TMEM178A: variants seen among roughly 807,000 people sequenced by gnomAD.
The protein encoded by TMEM178A is transmembrane protein 178A.
A neutral mutation model predicts 29.1 loss-of-function variants in TMEM178A; 12 were observed. The ratio of observed to expected loss-of-function variants is 0.41; its 90% CI spans 0.26 to 0.67. The LOEUF (loss-of-function observed/expected upper bound fraction) is 0.67. Ranked by LOEUF, TMEM178A falls within the 30% of genes least tolerant of loss-of-function variation. The pLI is 0.29. For synonymous variants in TMEM178A, 210 were observed against 187.2 expected (o/e 1.12, Z -0.99); for missense variants, 366 against 419.1 (o/e 0.87, Z 1.11).
chr2:39,702,617 C>G (rs1671833667), intron 1 of TMEM178A, among the ~76,000 whole-genome samples: 2 of 151,570 alleles, frequency 1.3e-5, no homozygotes, highest in Non-Finnish European at 2.9e-5. Context: ...AAACAGCTAC[C>G]TTTAATGCCT....
intron 1 of TMEM178A, among the ~76,000 whole-genome samples, chr2:39,669,226 C>T (rs1302656600): frequency 2.0e-5 from 3 of 152,140 alleles, no homozygotes; most frequent in Admixed American, 6.5e-5. Context: ...GCATTTTCTT[C>T]TCTGGACCTA....
chr2:39,706,242 C>T (rs934074286), intron 2 of TMEM178A, among the ~76,000 whole-genome samples: 3 of 152,142 alleles, frequency 2.0e-5, no homozygotes, highest in African/African-American at 4.8e-5. Context: ...CCAAACTAGA[C>T]AGTTGGGCCA....
intron 1 of TMEM178A, among the ~76,000 whole-genome samples, chr2:39,683,679 A>G (rs148419653): frequency 4.1e-4 from 63 of 152,342 alleles, no homozygotes; most frequent in Admixed American, 9.1e-4. Flanking sequence ...TATGCCACCT[A>G]TTTTGGCACT....
intron 1 of TMEM178A, among the ~76,000 whole-genome samples, chr2:39,680,105 C>A (rs1670803914): frequency 6.8e-6 from 1 of 146,820 alleles, no homozygotes; most frequent in African/African-American, 2.6e-5. Context: ...ATGTTCTTTA[C>A]TCTGCTCTTA....
chr2:39,667,991 C>A (rs1558439264), intron 1 of TMEM178A, among the ~76,000 whole-genome samples: 1 of 152,184 alleles, frequency 6.6e-6, no homozygotes, highest in Non-Finnish European at 1.5e-5. Flanking sequence ...GACAGAACTG[C>A]ATTTCCTTAC....
At chr2:39,678,279 T>C (rs1670714662) in intron 1 of TMEM178A, among the ~76,000 whole-genome samples, 1 of 152,146 alleles carries the variant, frequency 6.6e-6, no homozygotes, top group Admixed American at 6.5e-5. Context: ...ACACTGTACA[T>C]AAATGTTCAC....
intron 1 of TMEM178A, among the ~76,000 whole-genome samples, chr2:39,677,145 C>G (rs1403277098): frequency 6.6e-6 from 1 of 152,104 alleles, no homozygotes. Flanking sequence ...AGCCTTTGTC[C>G]TCACTCTCGT....
intron 1 of TMEM178A, among the ~76,000 whole-genome samples, chr2:39,674,422 C>T (rs1670528083): frequency 6.6e-6 from 1 of 152,168 alleles, no homozygotes; most frequent in South Asian, 2.1e-4. Flanking sequence ...GAATGGAAAA[C>T]CAAACGTTGT....
At chr2:39,731,519 G>C in the TMEM178A span, among the ~76,000 whole-genome samples, 1 of 152,168 alleles carries the variant, frequency 6.6e-6, no homozygotes. Context: ...TTTTACAACA[G>C]CCAATCACTG....
chr2:39,721,016 A>C, downstream of TMEM178A, among the ~76,000 whole-genome samples: 1 of 152,236 alleles, frequency 6.6e-6, no homozygotes, highest in East Asian at 1.9e-4. Flanking sequence ...AAGCGTTCTC[A>C]TTTATGTGCA....
chr2:39,715,500 G>T (rs1434943626), intron 3 of TMEM178A, among the ~76,000 whole-genome samples: 3 of 152,096 alleles, frequency 2.0e-5, no homozygotes, highest in South Asian at 2.1e-4. Flanking sequence ...CTTTATGAGA[G>T]AATTATTTCC....
At chr2:39,713,179 T>C (rs536256409) in intron 3 of TMEM178A, among the ~76,000 whole-genome samples, 19 of 152,300 alleles carry the variant, frequency 1.2e-4, no homozygotes, top group East Asian at 7.7e-4. Flanking sequence ...CTGAGTCCAA[T>C]TGTGACCAAG....
At chr2:39,724,279 T>G in the TMEM178A span, among the ~76,000 whole-genome samples, 1 of 151,206 alleles carries the variant, frequency 6.6e-6, no homozygotes, top group African/African-American at 2.4e-5. Flanking sequence ...AAGTAATTAT[T>G]TCAAAAAAAA....
intron 1 of TMEM178A, among the ~76,000 whole-genome samples, chr2:39,670,042 C>A: frequency 6.6e-6 from 1 of 152,186 alleles, no homozygotes; most frequent in East Asian, 1.9e-4. Flanking sequence ...GCTGAGGAAG[C>A]TTTGCTGATC....
rs995376298 is a variant in TMEM178A at position 39,698,932 on chromosome 2, A to G, written c.401-5149A>G. Among the ~76,000 whole-genome samples, 2 of 151,534 alleles carry G rather than the reference A, an allele frequency of 1.3e-5. 1 individual carries two copies. Among genetic ancestry groups the G allele is most frequent in the Non-Finnish European group, 2.9e-5 (2 of 67,906 alleles). ...AGGTATATGCCATTTTATCTGTTTT[A>G]TCTAATTTGTTGGCATGTAATTTTT... On this transcript the variant is annotated intron_variant, in intron 1 of 3. Transcript: ENST00000281961.
chr2:39,730,637 C>T, the TMEM178A span, among the ~76,000 whole-genome samples: 3,689 of 152,208 alleles, frequency 0.024, 136 homozygotes, highest in African/African-American at 0.082. Flanking sequence ...TTCGTTCTAA[C>T]GTAACTGATC....
the TMEM178A span, among the ~76,000 whole-genome samples, chr2:39,734,074 C>A: frequency 6.6e-6 from 1 of 152,128 alleles, no homozygotes; most frequent in South Asian, 2.1e-4. Context: ...ACTCCTATTT[C>A]TTTGCTCACC....
chr2:39,713,771 T>C (rs2148117373), intron 3 of TMEM178A, among the ~76,000 whole-genome samples: 1 of 152,358 alleles, frequency 6.6e-6, no homozygotes, highest in East Asian at 1.9e-4. Context: ...ATAAGACATG[T>C]ATGTGGAACC....
At chr2:39,693,423 C>T (rs1214196383) in intron 1 of TMEM178A, among the ~76,000 whole-genome samples, 1 of 152,190 alleles carries the variant, frequency 6.6e-6, no homozygotes, top group Admixed American at 6.5e-5. Context: ...CAGTGTGTTC[C>T]ACATGAGCAT....
Sources: allele counts gnomAD v4.1 joint callset (sites outside exome capture counted in the v4.1 genomes callset), GRCh38; gene constraint gnomAD v4.1.1; transcripts MANE v1.5; gene names NCBI Gene and HGNC (gene_info 2026-07-23, HGNC 2026-07-21).